CHRNA9: variants seen among roughly 807,000 people sequenced by gnomAD.
The protein encoded by CHRNA9 is cholinergic receptor nicotinic alpha 9 subunit, also known as neuronal acetylcholine receptor subunit alpha-9.
CHRNA9 carries 24 observed loss-of-function variants against 36.8 expected under a neutral mutation model. The observed-to-expected ratio is 0.65, with a 90% CI of 0.47 to 0.92. CHRNA9 has a LOEUF of 0.92. Among genes scored for constraint, CHRNA9 ranks in the 40% least tolerant of loss-of-function variants. The pLI, the probability that CHRNA9 is intolerant of heterozygous loss-of-function variation, is 0.00. For synonymous variants in CHRNA9, 231 were observed against 231.8 expected (o/e 1.00, Z 0.03); for missense variants, 610 against 601.2 (o/e 1.01, Z -0.15).
intron 3 of CHRNA9, among the ~76,000 whole-genome samples, chr4:40,343,986 C>G (rs1430867750): frequency 6.6e-6 from 1 of 152,070 alleles, no homozygotes; most frequent in Non-Finnish European, 1.5e-5. Context: ...TCCTGGTGGG[C>G]CTAATGTAAA....
At chr4:40,343,121 C>T (rs1712547662) in intron 3 of CHRNA9, among the ~76,000 whole-genome samples, 1 of 152,176 alleles carries the variant, frequency 6.6e-6, no homozygotes, top group African/African-American at 2.4e-5. Context: ...TGCTCCTCTC[C>T]AGTTCCCAGG....
At position 40,349,188 on chromosome 4, in the gene CHRNA9, C is replaced by A. The variant is rs868409655; in HGVS notation, c.672C>A (p.Tyr224Ter). The A allele has an allele frequency of 1.9e-6, 3 of 1,614,042 alleles. No homozygotes were observed. The highest frequency in any genetic ancestry group is 2.5e-6 in the Non-Finnish European group (3 of 1,180,032). Residue 224 changes from tyrosine (Y) to a stop codon, truncating the protein, a stop_gained, in exon 4 of 5, where the codon TAC becomes TAA. Transcript: ENST00000310169. LOFTEE classifies it high-confidence loss of function. ...VISYGCCSEP[Y>*]PDVTFTLLLK... ...CCTATGGCTGCTGCTCTGAGCCTTA[C>A]CCGGATGTCACATTCACCCTCCTTC...
intron 1 of CHRNA9, 104 bp from the exon 2 acceptor site, chr4:40,335,723 G>A (rs931199581): frequency 1.1e-5 from 13 of 1,209,976 alleles, no homozygotes; most frequent in Middle Eastern, 2.2e-4. Flanking sequence ...CTTGTCCCTC[G>A]CCAGTGTTGG....
chr4:40,354,652 C>CGACATTCATTTGAAGCT lies in CHRNA9; in HGVS notation c.*132_*133insGACATTCATTTGAAGCT. 1 of 778,148 alleles carries CGACATTCATTTGAAGCT rather than the reference C, an allele frequency of 1.3e-6. No individual in the cohort carries two copies. The highest frequency in any genetic ancestry group is 2.1e-6 in the Non-Finnish European group (1 of 481,810). The allele number at this position is 778,148 out of a possible 1,614,324, so 48.2% of individuals were successfully genotyped here. A position where few individuals can be genotyped will look rare whatever the true frequency, so the allele number is the denominator to read the frequency against. Reference sequence around the variant, plus strand: ...TGTCTGTGCTTTTTATTTTTAGCTTCAAATGAATGTCGAAGCTATCTGCTC... The same window carrying CGACATTCATTTGAAGCT: ...TGTCTGTGCTTTTTATTTTTAGCTTCGACATTCATTTGAAGCTAAATGAATGTCGAAGCTATCTGCTC... On this transcript the variant is annotated 3_prime_UTR_variant, in exon 5 of 5. Coordinates refer to ENST00000310169, the MANE Select transcript of CHRNA9 (RefSeq NM_017581.4).
chr4:40,349,250 T>G lies in CHRNA9; in HGVS notation c.734T>G (p.Leu245Arg), dbSNP rs775251356. ...RRSSFYIVNL[L>R]IPCVLISFLA... ...TCCTCGTTCTATATCGTCAACCTCC[T>G]CATCCCATGCGTCCTCATATCTTTT... The change falls in exon 4 of 5, where the codon CTC (leucine) becomes CGC (arginine). Residue 245 changes from leucine to arginine, a missense_variant. Transcript: ENST00000310169. The G allele has an allele frequency of 6.2e-7, 1 of 1,614,194 alleles. No individual in the cohort carries two copies.
At chr4:40,337,936 C>T (rs1712374990) in intron 3 of CHRNA9, 1 of 152,338 alleles carries the variant, frequency 6.6e-6, no homozygotes, top group Admixed American at 6.5e-5. Flanking sequence ...AGATGTCCAC[C>T]CTACTCCAGC....
intron 3 of CHRNA9, among the ~76,000 whole-genome samples, chr4:40,340,263 T>G (rs56412770): frequency 0.14 from 21,411 of 152,118 alleles, 1,552 homozygotes; most frequent in African/African-American, 0.16. Context: ...CATCATCTCC[T>G]TTTTGTTCCT....
At position 40,344,476 on chromosome 4, in the gene CHRNA9, G is replaced by A. The variant is rs149742726; in HGVS notation, c.366-4406G>A. On this transcript the variant is annotated intron_variant, in intron 3 of 4. Coordinates refer to ENST00000310169, the MANE Select transcript of CHRNA9 (RefSeq NM_017581.4). ...TTGAATCCAGGAGACGGAGGTTTCA[G>A]TGAGCCAAGATGGCACCACTGCACC... 8.7e-3 allele frequency among the ~76,000 whole-genome samples: 1,323 copies of A among 151,840 alleles called. 20 individuals carry two copies. Among genetic ancestry groups the A allele is most frequent in the African/African-American group, 0.03 (1,253 of 41,320 alleles).
chr4:40,344,167 C>A (rs1327220779), intron 3 of CHRNA9, among the ~76,000 whole-genome samples: 1 of 152,232 alleles, frequency 6.6e-6, no homozygotes, highest in African/African-American at 2.4e-5. Context: ...AGAAGGAATG[C>A]AGCCCTGCTC....
intron 4 of CHRNA9, 115 bp from the exon 5 acceptor site, chr4:40,353,864 A>C: frequency 1.0e-6 from 1 of 986,498 alleles, no homozygotes; most frequent in Non-Finnish European, 1.5e-6. Context: ...CACAACAGCA[A>C]AATCACCTAA....
Position 40,354,365 on chromosome 4 carries a change from G to A in CHRNA9, c.1285G>A (p.Glu429Lys). The A allele has an allele frequency of 6.2e-7, 1 of 1,614,174 alleles. No individual in the cohort carries two copies. The highest frequency in any genetic ancestry group is 8.5e-7 in the Non-Finnish European group (1 of 1,180,024). Residue 429 changes from glutamate (E) to lysine (K), a missense_variant, in exon 5 of 5, where the codon GAG becomes AAG. Transcript: ENST00000310169. ...AQYKVLTRNI[E>K]YIAKCLKDHK... Reference sequence around the variant, plus strand: ...GTACAAAGTGCTGACGAGGAATATTGAGTACATCGCCAAGTGCCTCAAAGA... The same window carrying A: ...GTACAAAGTGCTGACGAGGAATATTAAGTACATCGCCAAGTGCCTCAAAGA...
At chr4:40,339,867 A>G (rs1712450353) in intron 3 of CHRNA9, among the ~76,000 whole-genome samples, 1 of 151,664 alleles carries the variant, frequency 6.6e-6, no homozygotes, top group South Asian at 2.1e-4. Context: ...GAGTCTCATC[A>G]TGTTGCCCAG....
At chr4:40,345,713 A>G (rs1431801031) in intron 3 of CHRNA9, among the ~76,000 whole-genome samples, 1 of 151,596 alleles carries the variant, frequency 6.6e-6, no homozygotes, top group Non-Finnish European at 1.5e-5. Flanking sequence ...CTCCATCTCA[A>G]AAAACAAACA....
intron 3 of CHRNA9, among the ~76,000 whole-genome samples, chr4:40,342,150 C>T (rs1050687142): frequency 6.6e-6 from 1 of 152,154 alleles, no homozygotes; most frequent in Admixed American, 6.5e-5. Context: ...TAGAATTTAG[C>T]TTTAAGGCCA....
rs1214583779 is a variant in CHRNA9, at chr4:40,335,915, T to C, written c.153T>C (p.Asp51=). The C allele has an allele frequency of 2.5e-6, 4 of 1,612,582 alleles. No individual in the cohort carries two copies. Among genetic ancestry groups the C allele is most frequent in the Non-Finnish European group, 3.4e-6 (4 of 1,178,610 alleles). The change falls in exon 2 of 5, where the codon GAT becomes GAC. Residue 51 remains aspartate, a synonymous_variant. Transcript: ENST00000310169. ...DYSNALRPVE[D]TDKVLNVTLQ... ...CTAATGCTCTTCGTCCAGTGGAAGA[T>C]ACAGATAAAGTCCTGAATGTGACCC...
Position 40,335,927 on chromosome 4 carries a change from C to T in CHRNA9, c.165C>T (p.Val55=), listed in dbSNP as rs56159866. The stretch of plus-strand genomic sequence containing the variant: ...GTCCAGTGGAAGATACAGATAAAGT[C>T]CTGAATGTGACCCTGCAGATTACGC... ...ALRPVEDTDK[V]LNVTLQITLS... The change falls in exon 2 of 5, where the codon GTC becomes GTT. Residue 55 remains valine (V), a synonymous_variant. Transcript: ENST00000310169. 0.22 allele frequency: 357,932 copies of T among 1,609,194 alleles called. 43,439 individuals are homozygous for T. Among genetic ancestry groups the T allele is most frequent in the Non-Finnish European group, 0.25 (296,718 of 1,175,796 alleles).
chr4:40,348,800 T>C (rs927816757), intron 3 of CHRNA9, 82 bp from the exon 4 acceptor site: 1 of 1,361,598 alleles, frequency 7.3e-7, no homozygotes, highest in East Asian at 2.3e-5. Flanking sequence ...ACTGAAGTGA[T>C]GGGGACAGTG....
Position 40,335,415 on chromosome 4 carries a change from G to C in CHRNA9, c.-53G>C. On this transcript the variant is annotated 5_prime_UTR_variant, in exon 1 of 5. Coordinates refer to ENST00000310169, the MANE Select transcript of CHRNA9 (RefSeq NM_017581.4). The stretch of plus-strand genomic sequence containing the variant: ...AGATCCTTTGTATTCATAGGGGGAA[G>C]TGGAAGACCACGCTGCCTGACTGAG... The C allele has an allele frequency of 1.5e-6, 2 of 1,365,238 alleles. No individual in the cohort carries two copies. The highest frequency in any genetic ancestry group is 2.1e-6 in the Non-Finnish European group (2 of 952,700). The allele number at this position is 1,365,238 out of a possible 1,614,324, so 84.6% of individuals were successfully genotyped here.
chr4:40,349,230 G>A lies in CHRNA9; in HGVS notation c.714G>A (p.Ser238=), dbSNP rs373265892. 2.5e-5 allele frequency: 40 copies of A among 1,613,968 alleles called. No individual in the cohort carries two copies. The highest frequency in any genetic ancestry group is 6.7e-5 in the Admixed American group (4 of 59,988). ...TFTLLLKRRS[S]FYIVNLLIPC... is the part of the protein sequence containing the mutation. ...CCCTCCTTCTGAAGAGGAGGTCCTC[G>A]TTCTATATCGTCAACCTCCTCATCC... The change falls in exon 4 of 5, where the codon TCG becomes TCA. Residue 238 remains serine, a synonymous_variant. Transcript: ENST00000310169.
Sources: gnomAD v4.1 joint callset for allele counts (sites outside exome capture counted in the v4.1 genomes callset) on GRCh38, gnomAD v4.1.1 for gene constraint, MANE v1.5 for transcripts, NCBI Gene and HGNC (gene_info 2026-07-23, HGNC 2026-07-21) for gene names.